Variants in CTNND2 observed in about 807,000 individuals in gnomAD.
CTNND2 encodes catenin delta 2.
In CTNND2, 22 loss-of-function variants were observed where a neutral mutation model predicts 144.4. The observed-to-expected ratio is 0.15, with a 90% CI of 0.11 to 0.22. The LOEUF (loss-of-function observed/expected upper bound fraction) is 0.22. Ranked by LOEUF, CTNND2 falls within the 10% of genes least tolerant of loss-of-function variation. CTNND2 has a pLI of 1.00. For synonymous variants in CTNND2, 751 were observed against 695.6 expected (o/e 1.08, Z -1.25); for missense variants, 1,353 against 1,618.8 (o/e 0.84, Z 2.82).
intron 2 of CTNND2, among the ~76,000 whole-genome samples, chr5:11,680,315 C>T (rs1469815432): frequency 6.6e-6 from 1 of 152,116 alleles, no homozygotes; most frequent in East Asian, 1.9e-4. Flanking sequence ...CCACACTCAA[C>T]AATTTTGCCC....
intron 11 of CTNND2, among the ~76,000 whole-genome samples, chr5:11,188,580 C>T (rs931539773): frequency 4.6e-5 from 7 of 152,138 alleles, no homozygotes; most frequent in African/African-American, 1.7e-4. Context: ...TAACAAACTG[C>T]ACATCCTGTA....
intron 3 of CTNND2, among the ~76,000 whole-genome samples, chr5:11,541,839 C>CA (rs1491213146): frequency 3.1e-5 from 2 of 64,056 alleles, no homozygotes; most frequent in African/African-American, 5.8e-5. Context: ...TTATTATCGA[C>CA]CCCCCCCCCC....
chr5:11,691,196 T>C (rs1322911861), intron 2 of CTNND2, among the ~76,000 whole-genome samples: 2 of 151,824 alleles, frequency 1.3e-5, no homozygotes, highest in Non-Finnish European at 2.9e-5. Flanking sequence ...ATGGGGCAAC[T>C]CCGTCTCTAC....
intron 2 of CTNND2, among the ~76,000 whole-genome samples, chr5:11,640,617 C>T (rs2126500564): frequency 6.6e-6 from 1 of 152,294 alleles, no homozygotes; most frequent in East Asian, 1.9e-4. Flanking sequence ...TGCCCTATGC[C>T]CTGGCTGTCT....
intron 6 of CTNND2, among the ~76,000 whole-genome samples, chr5:11,390,559 A>G (rs567294356): frequency 6.6e-6 from 1 of 152,346 alleles, no homozygotes; most frequent in African/African-American, 2.4e-5. Context: ...TCACTAAGCA[A>G]AAGCACATTT....
At chr5:11,125,630 T>C (rs1275592625) in intron 12 of CTNND2, among the ~76,000 whole-genome samples, 1 of 152,190 alleles carries the variant, frequency 6.6e-6, no homozygotes, top group Non-Finnish European at 1.5e-5. Flanking sequence ...CCAGGCGGGT[T>C]ACCAGCACCC....
At chr5:11,682,164 G>A (rs142403891) in intron 2 of CTNND2, among the ~76,000 whole-genome samples, 5 of 152,310 alleles carry the variant, frequency 3.3e-5, no homozygotes, top group Non-Finnish European at 7.3e-5. Flanking sequence ...ACATGCATCG[G>A]CGGCACACTG....
intron 12 of CTNND2, among the ~76,000 whole-genome samples, chr5:11,150,740 C>A (rs1465497531): frequency 6.6e-6 from 1 of 150,584 alleles, no homozygotes; most frequent in Non-Finnish European, 1.5e-5. Flanking sequence ...AATTCTCCTG[C>A]CTCAGACTCC....
At chr5:11,187,017 G>C (rs866826895) in intron 11 of CTNND2, among the ~76,000 whole-genome samples, 15 of 152,158 alleles carry the variant, frequency 9.9e-5, no homozygotes, top group Non-Finnish European at 1.9e-4. Flanking sequence ...TGGTCCACAA[G>C]AAAGAAATGC....
At chr5:11,524,154 C>T (rs749576611) in intron 3 of CTNND2, among the ~76,000 whole-genome samples, 1 of 152,096 alleles carries the variant, frequency 6.6e-6, no homozygotes, top group Non-Finnish European at 1.5e-5. Context: ...TCTGTGATCC[C>T]CTCACTGCAC....
At chr5:11,541,830 T>G (rs959099397) in intron 3 of CTNND2, among the ~76,000 whole-genome samples, 1 of 146,678 alleles carries the variant, frequency 6.8e-6, no homozygotes, top group Admixed American at 7.0e-5. Context: ...ACTTATTATT[T>G]ATTATCGACC....
At chr5:11,024,746 T>G (rs764330317) in intron 16 of CTNND2, among the ~76,000 whole-genome samples, 2 of 152,180 alleles carry the variant, frequency 1.3e-5, no homozygotes, top group Non-Finnish European at 2.9e-5. Flanking sequence ...GTAGCATTTT[T>G]TAGTTTTGTT....
At position 10,992,698 on chromosome 5, in the gene CTNND2, C is replaced by CTGTT. The variant is rs755912207; in HGVS notation, c.3085-25_3085-22dup. The CTGTT allele has an allele frequency of 1.9e-6, 3 of 1,611,926 alleles. No individual in the cohort carries two copies. In the African/African-American group the frequency reaches 4.0e-5, roughly 22 times the overall value. On this transcript the variant is annotated intron_variant, in intron 18 of 21. Transcript: ENST00000304623. ...CCATCCTGCAAAACACAGCACGCTC[C>CTGTT]TGTTAGATGGGCAAGACAGAGTGAT... is the stretch of plus-strand genomic sequence containing the variant.
intron 16 of CTNND2, among the ~76,000 whole-genome samples, chr5:11,037,000 T>C (rs1744148242): frequency 6.6e-6 from 1 of 151,834 alleles, no homozygotes; most frequent in Non-Finnish European, 1.5e-5. Context: ...TGATGACCTT[T>C]TCATTGTGGA....
chr5:11,062,702 C>T (rs776527739), intron 16 of CTNND2, among the ~76,000 whole-genome samples: 5 of 152,188 alleles, frequency 3.3e-5, no homozygotes, highest in African/African-American at 4.8e-5. Flanking sequence ...TGTCGGGGAC[C>T]GCGTAAAGGC....
intron 1 of CTNND2, among the ~76,000 whole-genome samples, chr5:11,828,795 T>C (rs1377626423): frequency 6.6e-6 from 1 of 152,124 alleles, no homozygotes; most frequent in Non-Finnish European, 1.5e-5. Context: ...GGAAGTGACT[T>C]TGGAACTGGG....
At chr5:11,724,561 T>C (rs1477949109) in intron 2 of CTNND2, among the ~76,000 whole-genome samples, 1 of 152,154 alleles carries the variant, frequency 6.6e-6, no homozygotes, top group African/African-American at 2.4e-5. Flanking sequence ...TTCTCCTCTG[T>C]TGTGGAGGTG....
intron 1 of CTNND2, among the ~76,000 whole-genome samples, chr5:11,813,311 C>A (rs1792444406): frequency 6.6e-6 from 1 of 152,170 alleles, no homozygotes. Flanking sequence ...TGATGCATTT[C>A]TCAGAACGTA....
At chr5:11,790,595 G>A (rs1476938709) in intron 1 of CTNND2, among the ~76,000 whole-genome samples, 1 of 152,142 alleles carries the variant, frequency 6.6e-6, no homozygotes, top group Non-Finnish European at 1.5e-5. Context: ...GATTTTTCTT[G>A]ATGAATGTGA....
Sources: allele counts gnomAD v4.1 joint callset (sites outside exome capture counted in the v4.1 genomes callset), GRCh38; gene constraint gnomAD v4.1.1; transcripts MANE v1.5; gene names NCBI Gene and HGNC (gene_info 2026-07-23, HGNC 2026-07-21).